Variants in TMEM132D observed in about 807,000 individuals in gnomAD.
TMEM132D encodes mature OL transmembrane protein.
A neutral mutation model predicts 62.3 loss-of-function variants in TMEM132D; 21 were observed. The ratio of observed to expected loss-of-function variants is 0.34; its 90% confidence interval spans 0.24 to 0.49. The LOEUF is 0.49. TMEM132D is among the 20% of genes least tolerant of loss of function. TMEM132D has a pLI of 0.99. For missense variants in TMEM132D, 1,346 were observed against 1,402.8 expected (o/e 0.96, Z 0.65); for synonymous variants, 621 against 575.6 (o/e 1.08, Z -1.13).
At chr12:129,202,447 G>T (rs1878730945) in intron 5 of TMEM132D, among the ~76,000 whole-genome samples, 1 of 152,154 alleles carries the variant, frequency 6.6e-6, no homozygotes, top group African/African-American at 2.4e-5. Context: ...GAGGCTTATT[G>T]GTGGATGTAA....
intron 3 of TMEM132D, among the ~76,000 whole-genome samples, chr12:129,422,245 T>C (rs1459438005): frequency 1.3e-5 from 2 of 152,220 alleles, no homozygotes; most frequent in African/African-American, 4.8e-5. Context: ...TTAAATTTTA[T>C]TGGCGAAAAT....
chr12:129,244,036 G>A (rs1880006428), intron 4 of TMEM132D, among the ~76,000 whole-genome samples: 1 of 152,116 alleles, frequency 6.6e-6, no homozygotes, highest in Non-Finnish European at 1.5e-5. Flanking sequence ...TATGTTGATA[G>A]TCATTCTTCC....
At chr12:129,502,781 C>T (rs1171254085) in intron 3 of TMEM132D, among the ~76,000 whole-genome samples, 1 of 152,188 alleles carries the variant, frequency 6.6e-6, no homozygotes, top group East Asian at 1.9e-4. Flanking sequence ...CACTCGTCTA[C>T]AGACCAATAC....
At chr12:129,392,861 G>A (rs993608694) in intron 3 of TMEM132D, among the ~76,000 whole-genome samples, 4 of 152,166 alleles carry the variant, frequency 2.6e-5, no homozygotes, top group African/African-American at 9.7e-5. Context: ...GAACAGACAG[G>A]GCCAGATACA....
intron 4 of TMEM132D, among the ~76,000 whole-genome samples, chr12:129,214,609 C>T (rs527543327): frequency 1.3e-5 from 2 of 152,096 alleles, no homozygotes; most frequent in East Asian, 1.9e-4. Flanking sequence ...CAGAAGATAT[C>T]AATAAAAGTC....
At chr12:129,879,441 T>C (rs1303287522) in intron 1 of TMEM132D, among the ~76,000 whole-genome samples, 1 of 152,224 alleles carries the variant, frequency 6.6e-6, no homozygotes, top group Non-Finnish European at 1.5e-5. Flanking sequence ...TAATAGTTTC[T>C]TGAACACATC....
intron 2 of TMEM132D, among the ~76,000 whole-genome samples, chr12:129,660,206 T>C (rs1037818502): frequency 3.9e-5 from 6 of 152,132 alleles, no homozygotes; most frequent in African/African-American, 1.4e-4. Context: ...TATGATCATA[T>C]GGGTACATGG....
chr12:129,392,682 G>T (rs2135695113), intron 3 of TMEM132D, among the ~76,000 whole-genome samples: 1 of 152,306 alleles, frequency 6.6e-6, no homozygotes, highest in East Asian at 1.9e-4. Context: ...CCCCAGGCCA[G>T]GGCCCACCAC....
chr12:129,539,231 C>T (rs1425105976), intron 2 of TMEM132D, among the ~76,000 whole-genome samples: 2 of 133,418 alleles, frequency 1.5e-5, no homozygotes, highest in South Asian at 2.5e-4. Context: ...TGTTTATTTC[C>T]GGATTTTTTT....
At chr12:129,154,988 T>C (rs1267604960) in intron 5 of TMEM132D, among the ~76,000 whole-genome samples, 1 of 152,230 alleles carries the variant, frequency 6.6e-6, no homozygotes, top group African/African-American at 2.4e-5. Flanking sequence ...GGAAACATAC[T>C]GTTGACTAAA....
At chr12:129,631,208 G>C (rs986430687) in intron 2 of TMEM132D, among the ~76,000 whole-genome samples, 6 of 152,186 alleles carry the variant, frequency 3.9e-5, no homozygotes, top group African/African-American at 9.7e-5. Flanking sequence ...CTGACATCAA[G>C]AACTGCTTCC....
chr12:129,756,388 T>C (rs530894279), intron 1 of TMEM132D, among the ~76,000 whole-genome samples: 74 of 152,302 alleles, frequency 4.9e-4, no homozygotes, highest in African/African-American at 1.5e-3. Context: ...ATAACATGAA[T>C]GACCCTTGGG....
chr12:129,706,978 T>C (rs988790939), intron 1 of TMEM132D, among the ~76,000 whole-genome samples: 1 of 151,470 alleles, frequency 6.6e-6, no homozygotes, highest in Non-Finnish European at 1.5e-5. Flanking sequence ...TAGTCTTCAA[T>C]AGTATCATTA....
chr12:129,492,535 C>T (rs972818831), intron 3 of TMEM132D, among the ~76,000 whole-genome samples: 5 of 152,182 alleles, frequency 3.3e-5, no homozygotes, highest in African/African-American at 1.2e-4. Flanking sequence ...ACATTGCACA[C>T]TCCACCCAAG....
chr12:129,106,022 G>A (rs7975249), intron 5 of TMEM132D, among the ~76,000 whole-genome samples: 27,057 of 151,212 alleles, frequency 0.18, 2,715 homozygotes, highest in Non-Finnish European at 0.21. Context: ...CAACCCGAAT[G>A]TCCAACAATG....
chr12:129,093,466 C>A (rs915580515), intron 5 of TMEM132D, among the ~76,000 whole-genome samples: 9 of 152,030 alleles, frequency 5.9e-5, no homozygotes, highest in African/African-American at 1.2e-4. Flanking sequence ...ACCTAGGAAT[C>A]CAACTTACAA....
intron 1 of TMEM132D, among the ~76,000 whole-genome samples, chr12:129,711,258 C>T (rs756213807): frequency 4.6e-5 from 7 of 152,216 alleles, no homozygotes; most frequent in Admixed American, 1.3e-4. Flanking sequence ...AACCTTGGCG[C>T]CATGCATGGC....
intron 3 of TMEM132D, among the ~76,000 whole-genome samples, chr12:129,382,442 T>G (rs1870977857): frequency 6.6e-6 from 1 of 152,256 alleles, no homozygotes; most frequent in African/African-American, 2.4e-5. Flanking sequence ...TCCTTCATAT[T>G]GAAAGACGGT....
intron 1 of TMEM132D, among the ~76,000 whole-genome samples, chr12:129,734,563 C>G (rs1043832760): frequency 2.6e-5 from 4 of 152,186 alleles, no homozygotes; most frequent in Admixed American, 2.0e-4. Context: ...AATACTTTAT[C>G]AAATCCATAA....
Sources: gnomAD v4.1 joint callset for allele counts (sites outside exome capture counted in the v4.1 genomes callset) on GRCh38, gnomAD v4.1.1 for gene constraint, MANE v1.5 for transcripts, NCBI Gene and HGNC (gene_info 2026-07-23, HGNC 2026-07-21) for gene names.